MPP7: variants seen among roughly 807,000 people sequenced by gnomAD.
The protein encoded by MPP7 is MAGUK p55 subfamily member 7.
Under a neutral mutation model 76.5 loss-of-function variants are expected in MPP7, and 60 were observed. The observed-to-expected ratio is 0.78, with a 90% CI of 0.64 to 0.97. The LOEUF (loss-of-function observed/expected upper bound fraction) is 0.97, where lower values mean the gene tolerates loss of function less well. Ranked by LOEUF, MPP7 falls within the 50% of genes least tolerant of loss-of-function variation. The pLI, the probability that MPP7 is intolerant of heterozygous loss-of-function variation, is 0.00. For missense variants in MPP7, 641 were observed against 694.0 expected, an observed-to-expected ratio of 0.92 and a Z score of 0.86; for synonymous variants, 237 against 244.5, an observed-to-expected ratio of 0.97 and a Z score of 0.29.
intron 11 of MPP7, among the ~76,000 whole-genome samples, chr10:28,103,229 C>T (rs958289970): frequency 1.3e-5 from 2 of 150,652 alleles, no homozygotes; most frequent in South Asian, 2.1e-4. Context: ...TTTGCATACG[C>T]TGTCTGGGGC....
At chr10:28,217,821 T>C (rs16928606) in intron 2 of MPP7, among the ~76,000 whole-genome samples, 2,463 of 152,242 alleles carry the variant, frequency 0.016, 75 homozygotes, top group African/African-American at 0.055. Flanking sequence ...TGTCAAACAA[T>C]AGAGAACCGT....
At chr10:28,259,998 A>G (rs1256526381) in intron 1 of MPP7, among the ~76,000 whole-genome samples, 1 of 152,182 alleles carries the variant, frequency 6.6e-6, no homozygotes, top group African/African-American at 2.4e-5. Context: ...CCCCCATAAC[A>G]AGAAAAGCAT....
chr10:28,273,340 T>G (rs1840387514), intron 1 of MPP7, among the ~76,000 whole-genome samples: 1 of 152,228 alleles, frequency 6.6e-6, no homozygotes, highest in Non-Finnish European at 1.5e-5. Context: ...GTCTTTTCCA[T>G]ATCTTATGGT....
chr10:28,182,194 A>AGCAG (rs138189456), intron 3 of MPP7, among the ~76,000 whole-genome samples: 124,809 of 151,422 alleles, frequency 0.82, 52,054 homozygotes, highest in African/African-American at 0.89. Flanking sequence ...CAAAAAAAAT[A>AGCAG]GCAAAGGATA....
intron 12 of MPP7, among the ~76,000 whole-genome samples, chr10:28,070,687 C>T (rs1301899810): frequency 6.6e-6 from 1 of 152,154 alleles, no homozygotes; most frequent in Non-Finnish European, 1.5e-5. Context: ...ACACACTTTA[C>T]TCAATCAATG....
intron 13 of MPP7, among the ~76,000 whole-genome samples, chr10:28,060,189 G>A (rs1041983367): frequency 6.6e-6 from 1 of 151,982 alleles, no homozygotes; most frequent in Non-Finnish European, 1.5e-5. Flanking sequence ...TAGTGGGTAT[G>A]CCATCAAAGT....
At chr10:28,326,344 G>A (rs1176731184) in intron 2 of MPP7, among the ~76,000 whole-genome samples, 1 of 152,132 alleles carries the variant, frequency 6.6e-6, no homozygotes, top group Non-Finnish European at 1.5e-5. Context: ...TACAAATGAA[G>A]GCAGCTGCTG....
intron 3 of MPP7, among the ~76,000 whole-genome samples, chr10:28,190,878 A>C (rs1336062096): frequency 6.6e-6 from 1 of 152,076 alleles, no homozygotes. Flanking sequence ...TGATTAATAA[A>C]ATTGATAAAT....
chr10:28,143,855 CTGTGTGTGTGTGTGTGTGTGTG>C (rs60960005), intron 5 of MPP7, among the ~76,000 whole-genome samples: 1,419 of 134,544 alleles, frequency 0.011, 39 homozygotes, highest in East Asian at 0.076. Context: ...CAATCGTGTG[CTGTGTGTGTGTGTGTGTGTGTG>C]TGTGTGTGTG....
In MPP7 at chr10:28,054,136, C is replaced by T. The variant is rs1166659065; in HGVS notation, c.1660G>A (p.Glu554Lys). ...AATTTGTCAAAAGTTGTTTTGAGCT[C>T]ATTGAATGCCACAGTGAGGTCATCA... ...INDDLTVAFNELKTTFDKLET... is the reference protein window; with the variant it reads ...INDDLTVAFNKLKTTFDKLET... The change falls in exon 17 of 17, where the codon GAG (glutamate) becomes AAG (lysine). Residue 554 changes from glutamate to lysine, a missense_variant. Glu to Lys is a moderately conservative substitution (Grantham distance 56, BLOSUM62 1). Coordinates refer to ENST00000683449, the MANE Select transcript of MPP7 (RefSeq NM_001318170.2). 1 of 1,613,052 alleles carries T rather than the reference C, an allele frequency of 6.2e-7. No homozygotes were observed. The highest frequency in any genetic ancestry group is 8.5e-7 in the Non-Finnish European group (1 of 1,179,300).
At chr10:28,072,522 C>A (rs1852286590) in intron 12 of MPP7, among the ~76,000 whole-genome samples, 1 of 152,218 alleles carries the variant, frequency 6.6e-6, no homozygotes, top group East Asian at 1.9e-4. Context: ...CCATAATGCA[C>A]CCCAGTGGGC....
chr10:28,273,176 C>G (rs1840382787), intron 1 of MPP7, among the ~76,000 whole-genome samples: 1 of 152,190 alleles, frequency 6.6e-6, no homozygotes, highest in Non-Finnish European at 1.5e-5. Context: ...CCTCGGCCTC[C>G]CAAAGTTCTG....
At position 28,053,950 on chromosome 10, in the gene MPP7, A is replaced by T; in HGVS notation, c.*115T>A. ...ACAAACAAAACCAGCATTCAACTTGAACCAAGATTGTACATCTATGACAGT... is the reference window on the plus strand; with the variant it reads ...ACAAACAAAACCAGCATTCAACTTGTACCAAGATTGTACATCTATGACAGT... On this transcript the variant is annotated 3_prime_UTR_variant, in exon 17 of 17. Coordinates refer to ENST00000683449, the MANE Select transcript of MPP7 (RefSeq NM_001318170.2). 2 of 798,862 alleles carry T rather than the reference A, an allele frequency of 2.5e-6. No individual in the cohort carries two copies. The highest frequency in any genetic ancestry group is 4.2e-6 in the Non-Finnish European group (2 of 480,340). The allele number at this position is 798,862 out of a possible 1,614,324, so 49.5% of individuals were successfully genotyped here.
chr10:28,238,589 T>C lies in MPP7; in HGVS notation c.16A>G (p.Thr6Ala), dbSNP rs150806746. The change falls in exon 2 of 17, where the codon ACG becomes GCG. Residue 6 changes from threonine (T) to alanine (A), a missense_variant. Transcript: ENST00000683449. MPALS[T>A]GSGSDTGLYE... The stretch of plus-strand genomic sequence containing the variant: ...ATACCAGTGTCACTCCCAGATCCCG[T>C]TGACAAAGCTGGCATGATGCAAGGT... 4.0e-5 allele frequency: 65 copies of C among 1,614,026 alleles called. No homozygotes were observed. Among genetic ancestry groups the C allele is most frequent in the East Asian group, 1.3e-4 (6 of 44,902 alleles).
intron 2 of MPP7, among the ~76,000 whole-genome samples, chr10:28,238,247 G>C (rs976132539): frequency 6.6e-6 from 1 of 151,940 alleles, no homozygotes; most frequent in Non-Finnish European, 1.5e-5. Flanking sequence ...AGGATAATAT[G>C]GGTATCACAG....
chr10:28,104,425 A>G (rs984210183), intron 11 of MPP7, among the ~76,000 whole-genome samples: 1 of 152,206 alleles, frequency 6.6e-6, no homozygotes, highest in African/African-American at 2.4e-5. Flanking sequence ...TTACCATAGA[A>G]TAGTTTTGCC....
At chr10:28,182,036 T>C (rs1049557947) in intron 3 of MPP7, among the ~76,000 whole-genome samples, 28 of 152,202 alleles carry the variant, frequency 1.8e-4, no homozygotes, top group African/African-American at 6.8e-4. Context: ...TGCATGGATG[T>C]ATGTTTTAAC....
At chr10:28,222,865 AC>A (rs1382173893) in intron 2 of MPP7, among the ~76,000 whole-genome samples, 2 of 147,824 alleles carry the variant, frequency 1.4e-5, no homozygotes, top group African/African-American at 5.0e-5. Context: ...AAAAAAAAAA[AC>A]CTAGTGATTT....
At position 28,302,879 on chromosome 10, in the gene MPP7, G is replaced by C. The variant is rs780754812; in HGVS notation, c.-150C>G. Among the ~76,000 whole-genome samples the C allele has an allele frequency of 7.9e-5, 12 of 152,142 alleles. No individual in the cohort carries two copies. The highest frequency in any genetic ancestry group is 1.2e-4 in the Non-Finnish European group (8 of 68,008). On this transcript the variant is annotated 5_prime_UTR_variant, in exon 1 of 17. Coordinates refer to ENST00000683449, the MANE Select transcript of MPP7 (RefSeq NM_001318170.2). The stretch of plus-strand genomic sequence containing the variant: ...CCATTACCTGCTCTGGGCTGCCGCG[G>C]TCCGCGGGCAGGAGGCGCACTCGCT...
Sources: allele counts gnomAD v4.1 joint callset (sites outside exome capture counted in the v4.1 genomes callset), GRCh38; gene constraint gnomAD v4.1.1; transcripts MANE v1.5; gene names NCBI Gene and HGNC (gene_info 2026-07-23, HGNC 2026-07-21).